DACH2: variants seen among roughly 807,000 people sequenced by gnomAD.
DACH2 encodes dachshund homolog 2.
DACH2 carries 17 observed loss-of-function variants against 35.8 expected under a neutral mutation model. That is an observed-to-expected ratio of 0.48 (90% CI 0.33 to 0.71). The LOEUF (loss-of-function observed/expected upper bound fraction) is 0.71. Ranked by LOEUF, DACH2 falls within the 30% of genes least tolerant of loss-of-function variation. The pLI is 0.02. For missense variants in DACH2, 469 were observed against 472.7 expected, an observed-to-expected ratio of 0.99 and a Z score of 0.07; for synonymous variants, 195 against 177.3, an observed-to-expected ratio of 1.10 and a Z score of -0.79.
rs769469339 is a variant in DACH2 at position 86,295,830 on chromosome X, AT to A, written c.489-80984del. Among the ~76,000 whole-genome samples the A allele has an allele frequency of 1.7e-3, 176 of 106,567 alleles. 1 individual carries two copies. The highest frequency in any genetic ancestry group is 5.7e-3 in the African/African-American group (167 of 29,148). The allele number at this position is 106,567 out of a possible 115,157, so 92.5% of individuals were successfully genotyped here. ...GGGAGGGGTGGCATCAGAGAACAAG[AT>A]TTTTTTTTTGTACTTCTTCAGTGCC... On this transcript the variant is annotated intron_variant, in intron 1 of 11. Coordinates refer to ENST00000373125, the MANE Select transcript of DACH2 (RefSeq NM_053281.3).
rs1434982126 is a variant in DACH2, at chrX:86,754,533, T to C, written c.1240+14651T>C. On this transcript the variant is annotated intron_variant, in intron 7 of 11. Coordinates refer to ENST00000373125, the MANE Select transcript of DACH2 (RefSeq NM_053281.3). ...TGAATTAATTTTTTCTATCTAAATA[T>C]ATGGTTGTACTCATTGTAGCCAACC... 4.5e-5 allele frequency among the ~76,000 whole-genome samples: 5 copies of C among 111,300 alleles called. No individual in the cohort carries two copies. The Admixed American group carries it at 4.8e-4, about 11-fold the overall frequency.
At chrX:86,202,613 C>A (rs2032184920) in intron 1 of DACH2, among the ~76,000 whole-genome samples, 1 of 105,477 alleles carries the variant, frequency 9.5e-6, no homozygotes, top group African/African-American at 4.0e-5. Flanking sequence ...GTTGGCTACG[C>A]TTAAGTTTTT....
intron 1 of DACH2, among the ~76,000 whole-genome samples, chrX:86,221,237 T>A (rs751232632): frequency 8.9e-6 from 1 of 112,072 alleles, no homozygotes; most frequent in East Asian, 2.8e-4. Flanking sequence ...GATTTTTGTG[T>A]ATGATGTAAG....
intron 2 of DACH2, among the ~76,000 whole-genome samples, chrX:86,474,025 T>C (rs1257264051): frequency 8.9e-6 from 1 of 112,061 alleles, no homozygotes; most frequent in Admixed American, 9.5e-5. Context: ...TTTGCAGCAT[T>C]TGTTTTTGCC....
intron 1 of DACH2, among the ~76,000 whole-genome samples, chrX:86,213,635 T>A (rs191400325): frequency 1.8e-5 from 2 of 110,977 alleles, no homozygotes; most frequent in African/African-American, 6.5e-5. Context: ...TTGGGCCCAA[T>A]TTACGCCCAT....
At chrX:86,334,967 T>A (rs182341883) in intron 1 of DACH2, among the ~76,000 whole-genome samples, 1 of 112,499 alleles carries the variant, frequency 8.9e-6, no homozygotes, top group Admixed American at 9.4e-5. Context: ...AGTTTCAGTT[T>A]TCTGCATATG....
intron 4 of DACH2, among the ~76,000 whole-genome samples, chrX:86,663,549 T>G (rs1436570736): frequency 9.0e-6 from 1 of 111,457 alleles, no homozygotes; most frequent in Non-Finnish European, 1.9e-5. Context: ...GGATAGAGAT[T>G]TTAAACAACA....
At chrX:86,333,486 T>G (rs966666145) in intron 1 of DACH2, among the ~76,000 whole-genome samples, 2 of 111,403 alleles carry the variant, frequency 1.8e-5, no homozygotes, top group Non-Finnish European at 3.8e-5. Context: ...TAGTTTGAAC[T>G]GGAAACAAGG....
At chrX:86,775,777 A>G (rs1227378157) in intron 7 of DACH2, among the ~76,000 whole-genome samples, 2 of 112,237 alleles carry the variant, frequency 1.8e-5, no homozygotes, top group Non-Finnish European at 3.8e-5. Flanking sequence ...CTACTCTCTC[A>G]CATCAAAAAT....
At chrX:86,212,343 GTTATT>G (rs2032463945) in intron 1 of DACH2, among the ~76,000 whole-genome samples, 1 of 111,312 alleles carries the variant, frequency 9.0e-6, no homozygotes, top group Non-Finnish European at 1.9e-5. Context: ...TATGTATAGT[GTTATT>G]TTATTAACTA....
chrX:86,825,589 G>C (rs1052086561), intron 11 of DACH2, among the ~76,000 whole-genome samples: 1 of 111,897 alleles, frequency 8.9e-6, no homozygotes, highest in African/African-American at 3.2e-5. Context: ...AAAGAGGATG[G>C]CATTCCATAT....
At chrX:86,731,001 G>A (rs2041526990) in intron 6 of DACH2, among the ~76,000 whole-genome samples, 1 of 111,604 alleles carries the variant, frequency 9.0e-6, no homozygotes, top group African/African-American at 3.2e-5. Flanking sequence ...AGTTTTGGTT[G>A]TTTGAGTGCT....
chrX:86,395,979 G>A (rs757902080), intron 2 of DACH2, among the ~76,000 whole-genome samples: 1 of 111,629 alleles, frequency 9.0e-6, no homozygotes, highest in South Asian at 3.8e-4. Context: ...TTCCACAATG[G>A]TTGAACTAGT....
Position 86,148,753 on chromosome X carries a change from A to G in DACH2, c.133A>G (p.Ser45Gly), listed in dbSNP as rs781276493. ...PPRLTPNMIN[S>G]FVVNNHSNSA... Reference sequence around the variant, plus strand: ...TCGTCTTACTCCTAATATGATCAATAGTTTCGTGGTTAATAACCACAGCAA... The same window carrying G: ...TCGTCTTACTCCTAATATGATCAATGGTTTCGTGGTTAATAACCACAGCAA... Residue 45 changes from serine to glycine, a missense_variant, in exon 1 of 12, where the codon AGT (serine) becomes GGT (glycine). Coordinates refer to ENST00000373125, the MANE Select transcript of DACH2 (RefSeq NM_053281.3). The G allele has an allele frequency of 5.9e-5, 71 of 1,209,062 alleles. No individual in the cohort carries two copies. In the South Asian group the frequency reaches 1.2e-3, roughly 21 times the overall value.
At chrX:86,272,486 G>A (rs2033832827) in intron 1 of DACH2, among the ~76,000 whole-genome samples, 1 of 111,373 alleles carries the variant, frequency 9.0e-6, no homozygotes, top group Admixed American at 9.6e-5. Context: ...GAGAAAAATA[G>A]CTTTGTATAA....
intron 1 of DACH2, among the ~76,000 whole-genome samples, chrX:86,214,217 G>A (rs1164818446): frequency 9.0e-6 from 1 of 111,340 alleles, no homozygotes; most frequent in Non-Finnish European, 1.9e-5. Flanking sequence ...TTTTAAAGTT[G>A]TATGGTATGA....
chrX:86,524,887 TAATC>T (rs1335334028), intron 3 of DACH2, among the ~76,000 whole-genome samples: 1 of 111,086 alleles, frequency 9.0e-6, no homozygotes, highest in Non-Finnish European at 1.9e-5. Flanking sequence ...CATATGATAA[TAATC>T]TATATAGTGC....
chrX:86,632,092 T>C (rs994544759), intron 3 of DACH2, among the ~76,000 whole-genome samples: 2 of 112,015 alleles, frequency 1.8e-5, no homozygotes, highest in Admixed American at 9.5e-5. Context: ...AGTTATATGA[T>C]GCAATTTCTC....
chrX:86,752,255 C>T (rs1449109812), intron 7 of DACH2, among the ~76,000 whole-genome samples: 2 of 111,326 alleles, frequency 1.8e-5, no homozygotes, highest in Non-Finnish European at 3.8e-5. Flanking sequence ...TCTCAACATC[C>T]TTTCTAATAC....
Sources: allele counts gnomAD v4.1 joint callset (sites outside exome capture counted in the v4.1 genomes callset), GRCh38; gene constraint gnomAD v4.1.1; transcripts MANE v1.5; gene names NCBI Gene and HGNC (gene_info 2026-07-23, HGNC 2026-07-21).